The following RCAN2 variants were observed in gnomAD, a reference collection of about 807,000 sequenced individuals.
RCAN2 encodes the protein calcipressin-2.
Under a neutral mutation model 23.6 loss-of-function variants are expected in RCAN2, and 9 were observed. That is an observed-to-expected ratio of 0.38 (90% CI 0.23 to 0.67). The LOEUF (loss-of-function observed/expected upper bound fraction) is 0.67, where lower values mean the gene tolerates loss of function less well. RCAN2 is among the 30% of genes least tolerant of loss of function. The pLI is 0.51. For missense variants in RCAN2, 273 were observed against 302.3 expected, an observed-to-expected ratio of 0.90 and a Z score of 0.72; for synonymous variants, 109 against 115.7, an observed-to-expected ratio of 0.94 and a Z score of 0.37.
At chr6:46,235,984 A>G (rs1163134452) in intron 4 of RCAN2, among the ~76,000 whole-genome samples, 2 of 152,242 alleles carry the variant, frequency 1.3e-5, no homozygotes, top group African/African-American at 4.8e-5. Context: ...CAACACTCAT[A>G]TCACTGGGAT....
At chr6:46,417,623 A>C (rs1309514191) in intron 2 of RCAN2, among the ~76,000 whole-genome samples, 1 of 152,204 alleles carries the variant, frequency 6.6e-6, no homozygotes. Context: ...CTGTTCCCCA[A>C]ACAATACAGG....
intron 2 of RCAN2, among the ~76,000 whole-genome samples, chr6:46,264,335 G>C (rs1767244311): frequency 6.6e-6 from 1 of 152,062 alleles, no homozygotes; most frequent in Non-Finnish European, 1.5e-5. Context: ...AAAGCAGCAG[G>C]GTATCCTTTA....
intron 4 of RCAN2, among the ~76,000 whole-genome samples, chr6:46,234,312 A>C (rs1173670883): frequency 6.6e-6 from 1 of 152,226 alleles, no homozygotes; most frequent in African/African-American, 2.4e-5. Flanking sequence ...GAGAACCACA[A>C]AATAAAAAGA....
chr6:46,414,450 G>C (rs1228102629), intron 2 of RCAN2, among the ~76,000 whole-genome samples: 1 of 152,200 alleles, frequency 6.6e-6, no homozygotes, highest in African/African-American at 2.4e-5. Context: ...TGGCTATGAT[G>C]GTTAAGCTTA....
At chr6:46,262,471 C>A (rs1767142641) in intron 2 of RCAN2, among the ~76,000 whole-genome samples, 1 of 152,076 alleles carries the variant, frequency 6.6e-6, no homozygotes, top group South Asian at 2.1e-4. Context: ...AGAGAAAATT[C>A]TGGGCTGGAT....
intron 1 of RCAN2, among the ~76,000 whole-genome samples, chr6:46,471,830 C>G (rs2150441835): frequency 6.6e-6 from 1 of 152,214 alleles, no homozygotes; most frequent in East Asian, 1.9e-4. Flanking sequence ...TTAGATAATA[C>G]ATGTAAAGCA....
intron 2 of RCAN2, among the ~76,000 whole-genome samples, chr6:46,322,366 C>A (rs57200929): frequency 1.7e-4 from 26 of 152,180 alleles, no homozygotes; most frequent in African/African-American, 6.3e-4. Context: ...AATGGAATTT[C>A]CAGAGAAAGC....
intron 1 of RCAN2, chr6:46,468,801 T>C: frequency 1.0e-6 from 1 of 985,198 alleles, no homozygotes; most frequent in Non-Finnish European, 1.2e-6. Flanking sequence ...CTTGCTCACC[T>C]TTAATCAGCA....
chr6:46,394,216 G>A (rs190864210), intron 2 of RCAN2, among the ~76,000 whole-genome samples: 13 of 152,180 alleles, frequency 8.5e-5, no homozygotes, highest in East Asian at 7.7e-4. Context: ...ATTTAAGTCC[G>A]TGACAGGTGG....
chr6:46,399,560 T>C (rs1490158593), intron 2 of RCAN2, among the ~76,000 whole-genome samples: 1 of 151,806 alleles, frequency 6.6e-6, no homozygotes. Flanking sequence ...AGGCTGGAAG[T>C]CTAAAAACAG....
At chr6:46,368,536 C>T (rs1292138201) in intron 2 of RCAN2, among the ~76,000 whole-genome samples, 1 of 152,146 alleles carries the variant, frequency 6.6e-6, no homozygotes, top group African/African-American at 2.4e-5. Flanking sequence ...ATGGTATAGC[C>T]TACTACATAT....
intron 2 of RCAN2, among the ~76,000 whole-genome samples, chr6:46,329,194 C>A (rs77685699): frequency 8.5e-4 from 130 of 152,328 alleles, no homozygotes; most frequent in African/African-American, 2.9e-3. Flanking sequence ...ATATTCAGAT[C>A]TCTTCATGGC....
chr6:46,327,665 C>T (rs891897337), intron 2 of RCAN2, among the ~76,000 whole-genome samples: 3 of 152,188 alleles, frequency 2.0e-5, no homozygotes, highest in African/African-American at 4.8e-5. Flanking sequence ...TTTTCATATG[C>T]CATGGCATAT....
intron 2 of RCAN2, among the ~76,000 whole-genome samples, chr6:46,424,818 G>A (rs7749987): frequency 0.018 from 2,790 of 152,210 alleles, 36 homozygotes; most frequent in Non-Finnish European, 0.031. Context: ...TTAGCACATA[G>A]TAAACAGTTA....
At chr6:46,311,004 A>G (rs1763241689) in intron 2 of RCAN2, among the ~76,000 whole-genome samples, 1 of 152,228 alleles carries the variant, frequency 6.6e-6, no homozygotes, top group Admixed American at 6.5e-5. Context: ...AATAACAATA[A>G]CAACCATCTA....
At chr6:46,298,454 T>C (rs908697346) in intron 2 of RCAN2, among the ~76,000 whole-genome samples, 8 of 152,136 alleles carry the variant, frequency 5.3e-5, no homozygotes, top group Non-Finnish European at 7.4e-5. Context: ...CAATTTATGC[T>C]GTATTCTTTG....
chr6:46,490,723 G>A (rs868731531), intron 1 of RCAN2, among the ~76,000 whole-genome samples: 10 of 152,228 alleles, frequency 6.6e-5, no homozygotes, highest in Admixed American at 2.0e-4. Flanking sequence ...TCTGCATTGG[G>A]AAGAAGGGAT....
At chr6:46,448,087 C>G (rs13209416) in intron 2 of RCAN2, among the ~76,000 whole-genome samples, 15,602 of 151,460 alleles carry the variant, frequency 0.1, 965 homozygotes, top group South Asian at 0.18. Flanking sequence ...AATCAACAAC[C>G]CTTAAGCTAG....
At chr6:46,246,309 G>A (rs999481708) in intron 4 of RCAN2, among the ~76,000 whole-genome samples, 2 of 152,132 alleles carry the variant, frequency 1.3e-5, no homozygotes, top group Non-Finnish European at 2.9e-5. Flanking sequence ...TTGGCAGGCA[G>A]GTTTTCTTGT....
Sources: gnomAD v4.1 joint callset for allele counts (sites outside exome capture counted in the v4.1 genomes callset) on GRCh38, gnomAD v4.1.1 for gene constraint, MANE v1.5 for transcripts, NCBI Gene and HGNC (gene_info 2026-07-23, HGNC 2026-07-21) for gene names.